The following TYW1B variants were observed in gnomAD, a reference collection of about 807,000 sequenced individuals.
The protein encoded by TYW1B is tRNA-yW synthesizing protein 1 homolog B.
In TYW1B, 73 loss-of-function variants were observed where a neutral mutation model predicts 86.9. The observed-to-expected ratio is 0.84, with a 90% confidence interval of 0.70 to 1.02. The LOEUF is 1.02. Ranked by LOEUF, TYW1B falls within the 50% of genes least tolerant of loss-of-function variation. TYW1B has a pLI of 0.00. For synonymous variants in TYW1B, 248 were observed against 292.8 expected (o/e 0.85, Z 1.56); for missense variants, 637 against 827.4 (o/e 0.77, Z 2.82).
Position 72,648,768 on chromosome 7 carries a change from A to C in TYW1B, c.1507-19771T>G, listed in dbSNP as rs1333471551. ...CCACCCGGCAACTTGGTTAGTGTGC[A>C]GGAAGATATCACCTGTGTGAAGGAG... On this transcript the variant is annotated intron_variant, in intron 11 of 13. Transcript: ENST00000620995. 3.3e-5 allele frequency among the ~76,000 whole-genome samples: 5 copies of C among 152,122 alleles called. No individual in the cohort carries two copies. The South Asian group carries it at 6.3e-4, about 19-fold the overall frequency.
chr7:72,686,759 T>C (rs1396755069), intron 11 of TYW1B, among the ~76,000 whole-genome samples: 1 of 152,118 alleles, frequency 6.6e-6, no homozygotes. Flanking sequence ...AATGTGCCAC[T>C]CTTGTGGGTG....
chr7:72,660,556 C>A (rs1184403987), intron 11 of TYW1B, among the ~76,000 whole-genome samples: 10 of 152,188 alleles, frequency 6.6e-5, no homozygotes, highest in Non-Finnish European at 1.2e-4. Context: ...CCATCCGACA[C>A]AATGATTCTT....
At chr7:72,734,222 C>T (rs1446924660) in intron 8 of TYW1B, among the ~76,000 whole-genome samples, 5 of 116,730 alleles carry the variant, frequency 4.3e-5, no homozygotes, top group East Asian at 2.4e-4. Flanking sequence ...CACATCATTG[C>T]GCTCCAGCGC....
intron 11 of TYW1B, among the ~76,000 whole-genome samples, chr7:72,676,837 A>G (rs1423748416): frequency 6.6e-6 from 1 of 152,110 alleles, no homozygotes; most frequent in Admixed American, 6.6e-5. Context: ...ATGTGCCTGT[A>G]ATCTCAGATA....
At chr7:72,777,956 A>T (rs192963671) in intron 6 of TYW1B, among the ~76,000 whole-genome samples, 197 of 152,248 alleles carry the variant, frequency 1.3e-3, no homozygotes, top group Non-Finnish European at 1.5e-3. Context: ...AAATTGTTTT[A>T]AAAAAGGGCT....
At chr7:72,805,028 C>A (rs1396496358) in intron 5 of TYW1B, among the ~76,000 whole-genome samples, 5 of 151,916 alleles carry the variant, frequency 3.3e-5, no homozygotes, top group Non-Finnish European at 7.4e-5. Flanking sequence ...GTTCTGCGAC[C>A]TTGGGAAACT....
chr7:72,730,099 T>C (rs1313243818), intron 8 of TYW1B, among the ~76,000 whole-genome samples: 1 of 152,078 alleles, frequency 6.6e-6, no homozygotes, highest in Non-Finnish European at 1.5e-5. Context: ...CTATGAAAAC[T>C]ACTCCATAAA....
At chr7:72,781,143 A>C (rs1347799299) in intron 6 of TYW1B, among the ~76,000 whole-genome samples, 2 of 152,100 alleles carry the variant, frequency 1.3e-5, no homozygotes, top group Non-Finnish European at 2.9e-5. Context: ...AGTTGCCATG[A>C]ACCCCCAGGT....
At chr7:72,803,997 G>A (rs1417261801) in intron 5 of TYW1B, among the ~76,000 whole-genome samples, 2 of 151,858 alleles carry the variant, frequency 1.3e-5, no homozygotes, top group African/African-American at 4.8e-5. Flanking sequence ...CACTTTAAAA[G>A]AAACAGGCTG....
intron 11 of TYW1B, among the ~76,000 whole-genome samples, chr7:72,675,556 T>TAC (rs201848538): frequency 7.4e-6 from 1 of 135,984 alleles, no homozygotes; most frequent in Admixed American, 7.5e-5. Context: ...TATATATATA[T>TAC]ACACACATAT....
intron 6 of TYW1B, among the ~76,000 whole-genome samples, chr7:72,798,389 T>G (rs1274164883): frequency 2.0e-5 from 3 of 148,626 alleles, no homozygotes; most frequent in Non-Finnish European, 4.5e-5. Flanking sequence ...AGACTCCGTC[T>G]CAAAAAAAAA....
chr7:72,657,838 G>A (rs782579382), intron 11 of TYW1B, among the ~76,000 whole-genome samples: 1 of 152,166 alleles, frequency 6.6e-6, no homozygotes, highest in African/African-American at 2.4e-5. Context: ...GTTTAAGGGA[G>A]TCCTATATCT....
At chr7:72,717,911 T>G (rs1786821610) in intron 9 of TYW1B, among the ~76,000 whole-genome samples, 1 of 152,140 alleles carries the variant, frequency 6.6e-6, no homozygotes, top group Non-Finnish European at 1.5e-5. Context: ...TATAGAGAGA[T>G]TTCTCAAAGA....
chr7:72,594,304 A>G (rs1554432207), intron 13 of TYW1B, among the ~76,000 whole-genome samples: 1 of 151,836 alleles, frequency 6.6e-6, no homozygotes, highest in East Asian at 1.9e-4. Flanking sequence ...GACTTGAATT[A>G]CCAAAATCAG....
chr7:72,637,691 T>A lies in TYW1B; in HGVS notation c.1507-8694A>T, dbSNP rs1344775426. Among the ~76,000 whole-genome samples, 799 of 144,002 alleles carry A rather than the reference T, an allele frequency of 5.5e-3. 10 individuals carry two copies. Among genetic ancestry groups the A allele is most frequent in the African/African-American group, 0.016 (638 of 39,618 alleles). The allele number at this position is 144,002 out of a possible 152,430, so 94.5% of individuals were successfully genotyped here. A position where few individuals can be genotyped will look rare whatever the true frequency, so the allele number is the denominator to read the frequency against. On this transcript the variant is annotated intron_variant, in intron 11 of 13. Transcript: ENST00000620995. ...GTTTAATCTACTGCTCTTTTCTTTTTAAAAAAAAAAAAAAACATTGTGGGT... is the reference window on the plus strand; with the variant it reads ...GTTTAATCTACTGCTCTTTTCTTTTAAAAAAAAAAAAAAAACATTGTGGGT...
At chr7:72,689,405 T>A (rs552131675) in intron 11 of TYW1B, among the ~76,000 whole-genome samples, 1 of 152,278 alleles carries the variant, frequency 6.6e-6, no homozygotes, top group African/African-American at 2.4e-5. Context: ...GCATTCAATT[T>A]TCAAAATGTT....
intron 13 of TYW1B, among the ~76,000 whole-genome samples, chr7:72,603,266 GGACA>G (rs1412382905): frequency 6.9e-6 from 1 of 144,252 alleles, no homozygotes; most frequent in Non-Finnish European, 1.5e-5. Context: ...ATGGATGGAT[GGACA>G]GACAGACGAC....
chr7:72,615,375 C>T (rs144920660), intron 13 of TYW1B, among the ~76,000 whole-genome samples: 3,769 of 152,216 alleles, frequency 0.025, 83 homozygotes, highest in African/African-American at 0.085. Flanking sequence ...TCCAGTTTGA[C>T]ACAGCCATTT....
At position 72,777,536 on chromosome 7, in the gene TYW1B, G is replaced by A. The variant is rs782052249; in HGVS notation, c.847-3C>T. The A allele has an allele frequency of 6.2e-7, 1 of 1,613,194 alleles. No individual in the cohort carries two copies. The highest frequency in any genetic ancestry group is 8.5e-7 in the Non-Finnish European group (1 of 1,179,716). On this transcript the variant is annotated splice_polypyrimidine_tract_variant and splice_region_variant and intron_variant, in intron 6 of 13. Coordinates refer to ENST00000620995, the MANE Select transcript of TYW1B (RefSeq NM_001145440.3). ...TCTTCCTGCTGTTCCTTTTCTCTCT[G>A]CATTAAAATAAAAGAATGAAATCCA... is the stretch of plus-strand genomic sequence containing the variant.
Sources: allele counts gnomAD v4.1 joint callset (sites outside exome capture counted in the v4.1 genomes callset), GRCh38; gene constraint gnomAD v4.1.1; transcripts MANE v1.5; gene names NCBI Gene and HGNC (gene_info 2026-07-23, HGNC 2026-07-21).